TXNRD1: variants seen among roughly 807,000 people sequenced by gnomAD.
TXNRD1 encodes thioredoxin reductase 1, cytoplasmic.
A neutral mutation model predicts 80.3 loss-of-function variants in TXNRD1; 57 were observed. The ratio of observed to expected loss-of-function variants is 0.71; its 90% CI spans 0.57 to 0.89. TXNRD1 has a LOEUF of 0.89. Among genes scored for constraint, TXNRD1 ranks in the 40% least tolerant of loss-of-function variants. The probability of loss-of-function intolerance (pLI) is 0.00; values close to 1 mark genes in which losing one functional copy is unlikely to be tolerated. For missense variants in TXNRD1, 730 were observed against 803.0 expected (o/e 0.91, Z 1.10); for synonymous variants, 291 against 285.2 (o/e 1.02, Z -0.20).
intron 3 of TXNRD1, among the ~76,000 whole-genome samples, chr12:104,268,809 A>G (rs7136838): frequency 0.67 from 102,296 of 151,632 alleles, 34,644 homozygotes; most frequent in East Asian, 0.85. Flanking sequence ...GAGCCACCGC[A>G]CCTGGCGTAC....
chr12:104,322,771 TAGAA>T (rs1336288521), intron 10 of TXNRD1, among the ~76,000 whole-genome samples: 1 of 152,204 alleles, frequency 6.6e-6, no homozygotes, highest in Non-Finnish European at 1.5e-5. Flanking sequence ...GCTGTACTGA[TAGAA>T]AGTAACATCT....
chr12:104,230,677 G>A lies in TXNRD1; in HGVS notation c.91+14784G>A, dbSNP rs542471408. Among the ~76,000 whole-genome samples the A allele has an allele frequency of 3.9e-5, 6 of 152,194 alleles. No individual in the cohort carries two copies. In the East Asian group the frequency reaches 9.6e-4, roughly 24 times the overall value. Reference sequence around the variant, plus strand: ...TGGGTTTTGTTTTGTTTTGTTTTAAGGAGCAGAAAGTTTAATAGGCAAGAA... The same window carrying A: ...TGGGTTTTGTTTTGTTTTGTTTTAAAGAGCAGAAAGTTTAATAGGCAAGAA... On this transcript the variant is annotated intron_variant, in intron 1 of 16. Transcript: ENST00000525566.
intron 4 of TXNRD1, chr12:104,310,213 A>ATG (rs2035085714): frequency 6.7e-6 from 8 of 1,185,924 alleles, no homozygotes; most frequent in Non-Finnish European, 8.0e-6. Flanking sequence ...GCAGTGGCGC[A>ATG]ATCTTGGCTC....
chr12:104,310,308 C>T (rs1184651830), intron 4 of TXNRD1, among the ~76,000 whole-genome samples: 2 of 152,122 alleles, frequency 1.3e-5, no homozygotes, highest in Non-Finnish European at 2.9e-5. Context: ...CGCCACTACA[C>T]CTGGCTAATT....
At chr12:104,271,173 T>C (rs188549630) in intron 3 of TXNRD1, among the ~76,000 whole-genome samples, 83 of 145,244 alleles carry the variant, frequency 5.7e-4, no homozygotes, top group African/African-American at 2.1e-3. Context: ...GGGATTATCA[T>C]TAGTTCTTTC....
intron 9 of TXNRD1, among the ~76,000 whole-genome samples, 153 bp downstream of exon 9, chr12:104,319,738 A>G (rs2035463800): frequency 6.6e-6 from 1 of 152,222 alleles, no homozygotes; most frequent in African/African-American, 2.4e-5. Context: ...GGAGAAAGAG[A>G]AAAAGGAAAA....
Position 104,291,197 on chromosome 12 carries a change from T to A in TXNRD1, c.414+2157T>A. 8 of 37,382 alleles carry A rather than the reference T, an allele frequency of 2.1e-4. No homozygotes were observed. The East Asian group carries it at 0.013, about 61-fold the overall frequency. The allele number at this position is 37,382 out of a possible 1,614,324, so 2.3% of individuals were successfully genotyped here. ...AAGTAAACTTATTCTACTTTGTGTCTTTTTTTTTTTTTTTTTTTTTTGAGA... is the reference window on the plus strand; with the variant it reads ...AAGTAAACTTATTCTACTTTGTGTCATTTTTTTTTTTTTTTTTTTTTGAGA... On this transcript the variant is annotated intron_variant, in intron 4 of 16. Coordinates refer to ENST00000525566, the MANE Select transcript of TXNRD1 (RefSeq NM_001093771.3).
chr12:104,342,270 GC>G (rs1246621760), intron 16 of TXNRD1, among the ~76,000 whole-genome samples: 1 of 152,076 alleles, frequency 6.6e-6, no homozygotes, highest in African/African-American at 2.4e-5. Context: ...CCATCTTGAA[GC>G]TATCTAGGGC....
intron 1 of TXNRD1, among the ~76,000 whole-genome samples, chr12:104,241,527 C>A (rs188819714): frequency 6.6e-6 from 1 of 151,872 alleles, no homozygotes; most frequent in Non-Finnish European, 1.5e-5. Flanking sequence ...TGTGCCACCA[C>A]GACCGGCTAA....
At chr12:104,342,094 T>C (rs1399992358) in intron 16 of TXNRD1, among the ~76,000 whole-genome samples, 1 of 152,040 alleles carries the variant, frequency 6.6e-6, no homozygotes, top group Non-Finnish European at 1.5e-5. Flanking sequence ...TCCAAACCCC[T>C]TATTTAGGGG....
Position 104,348,545 on chromosome 12 carries a change from C to A in TXNRD1, c.*124C>A. The A allele has an allele frequency of 1.2e-6, 1 of 823,280 alleles. No homozygotes were observed. The highest frequency in any genetic ancestry group is 2.0e-6 in the Non-Finnish European group (1 of 507,980). 51.0% of individuals were successfully genotyped at this position (823,280 alleles called of 1,614,324 possible). On this transcript the variant is annotated 3_prime_UTR_variant, in exon 17 of 17. Coordinates refer to ENST00000525566, the MANE Select transcript of TXNRD1 (RefSeq NM_001093771.3). Reference sequence around the variant, plus strand: ...CACCTGCGTGTCCTGTGCTTACCACCGCCCAAGGCCCCCTTGGATCTCTTG... The same window carrying A: ...CACCTGCGTGTCCTGTGCTTACCACAGCCCAAGGCCCCCTTGGATCTCTTG...
chr12:104,226,611 A>G (rs914500726), intron 1 of TXNRD1, among the ~76,000 whole-genome samples: 3 of 152,230 alleles, frequency 2.0e-5, no homozygotes, highest in Admixed American at 6.5e-5. Flanking sequence ...AGTTTCTGTT[A>G]TATCCTTAAA....
At chr12:104,254,267 GTGTT>G (rs894939980) in intron 2 of TXNRD1, among the ~76,000 whole-genome samples, 7 of 152,150 alleles carry the variant, frequency 4.6e-5, no homozygotes, top group Non-Finnish European at 1.0e-4. Flanking sequence ...CACTATATCA[GTGTT>G]TGTTAAATAA....
At chr12:104,317,031 C>A (rs535930111) in intron 7 of TXNRD1, among the ~76,000 whole-genome samples, 118 of 152,252 alleles carry the variant, frequency 7.8e-4, no homozygotes, top group African/African-American at 2.7e-3. Context: ...AATAATAGTA[C>A]CTTTTCCAAG....
intron 1 of TXNRD1, among the ~76,000 whole-genome samples, chr12:104,223,667 G>A (rs988008217): frequency 8.5e-5 from 13 of 152,166 alleles, no homozygotes; most frequent in African/African-American, 3.1e-4. Context: ...GGTGTGTCCA[G>A]TTGAAGCAGA....
chr12:104,279,849 A>C (rs1013184689), intron 3 of TXNRD1, among the ~76,000 whole-genome samples: 3 of 151,940 alleles, frequency 2.0e-5, no homozygotes, highest in Non-Finnish European at 4.4e-5. Context: ...TGGATCACGA[A>C]GTCAGGAGTT....
At chr12:104,219,284 T>G (rs930332518) in intron 1 of TXNRD1, among the ~76,000 whole-genome samples, 14 of 152,338 alleles carry the variant, frequency 9.2e-5, no homozygotes, top group African/African-American at 3.1e-4. Context: ...CTACAAACAC[T>G]CTAGAAGCCA....
intron 1 of TXNRD1, among the ~76,000 whole-genome samples, chr12:104,231,339 C>T (rs2032617571): frequency 6.6e-6 from 1 of 152,146 alleles, no homozygotes; most frequent in African/African-American, 2.4e-5. Context: ...TAAGGGTCCT[C>T]AGAAGAATGG....
At chr12:104,221,947 G>T (rs1212372335) in intron 1 of TXNRD1, among the ~76,000 whole-genome samples, 1 of 152,156 alleles carries the variant, frequency 6.6e-6, no homozygotes, top group Non-Finnish European at 1.5e-5. Context: ...GTGGAGACTG[G>T]GGTGGACTGA....
Sources: allele counts gnomAD v4.1 joint callset (sites outside exome capture counted in the v4.1 genomes callset), GRCh38; gene constraint gnomAD v4.1.1; transcripts MANE v1.5; gene names NCBI Gene and HGNC (gene_info 2026-07-23, HGNC 2026-07-21).